Variants in LTBP1 observed in about 807,000 individuals in gnomAD.
The protein encoded by LTBP1 is latent transforming growth factor beta binding protein 1.
LTBP1 carries 129 observed loss-of-function variants against 207.6 expected under a neutral mutation model. The observed-to-expected ratio is 0.62, with a 90% CI of 0.54 to 0.72. The LOEUF (loss-of-function observed/expected upper bound fraction) is 0.72, where lower values mean the gene tolerates loss of function less well. LTBP1 is among the 30% of genes least tolerant of loss of function. LTBP1 has a pLI of 0.00. For missense variants in LTBP1, 2,281 were observed against 2,217.2 expected (o/e 1.03, Z -0.58); for synonymous variants, 963 against 833.7 (o/e 1.16, Z -2.67).
chr2:33,113,698 G>T (rs1019382015), intron 4 of LTBP1, among the ~76,000 whole-genome samples: 4 of 152,206 alleles, frequency 2.6e-5, no homozygotes, highest in Admixed American at 2.6e-4. Flanking sequence ...CATTGGTAAA[G>T]GATATCTCTT....
chr2:33,388,928 G>A (rs1558344161), intron 31 of LTBP1, among the ~76,000 whole-genome samples: 1 of 152,190 alleles, frequency 6.6e-6, no homozygotes, highest in Non-Finnish European at 1.5e-5. Flanking sequence ...CTGGGATGTG[G>A]TCTACCCACT....
intron 18 of LTBP1, among the ~76,000 whole-genome samples, 161 bp from the exon 19 acceptor site, chr2:33,279,878 C>T (rs1457137996): frequency 6.6e-6 from 1 of 152,142 alleles, no homozygotes; most frequent in African/African-American, 2.4e-5. Context: ...GCATTATTGC[C>T]ATGTATTTAA....
At chr2:32,983,324 T>G (rs1324644412) in intron 2 of LTBP1, among the ~76,000 whole-genome samples, 1 of 152,186 alleles carries the variant, frequency 6.6e-6, no homozygotes, top group Non-Finnish European at 1.5e-5. Context: ...GTACCCTCAT[T>G]GTATCTAGGA....
chr2:33,237,807 A>G (rs796857153), intron 9 of LTBP1, among the ~76,000 whole-genome samples: 47 of 152,338 alleles, frequency 3.1e-4, no homozygotes, highest in African/African-American at 9.4e-4. Flanking sequence ...TGGATTGACA[A>G]GAGGTATGCC....
chr2:33,178,776 G>T, intron 5 of LTBP1, among the ~76,000 whole-genome samples: 1 of 152,176 alleles, frequency 6.6e-6, no homozygotes, highest in East Asian at 1.9e-4. Flanking sequence ...CACCATGTTG[G>T]TTTGTTGATG....
intron 2 of LTBP1, among the ~76,000 whole-genome samples, chr2:32,985,501 T>G (rs1221736712): frequency 6.6e-6 from 1 of 152,178 alleles, no homozygotes; most frequent in African/African-American, 2.4e-5. Context: ...CTTGCCCTAG[T>G]TTAGAGCCCA....
At chr2:33,057,412 C>T (rs425707) in intron 3 of LTBP1, among the ~76,000 whole-genome samples, 60,432 of 152,116 alleles carry the variant, frequency 0.4, 13,802 homozygotes, top group East Asian at 0.64. Flanking sequence ...CTGCCAGTCC[C>T]GCGCCATGCG....
intron 3 of LTBP1, among the ~76,000 whole-genome samples, chr2:33,076,783 T>C (rs846462): frequency 0.83 from 125,672 of 151,914 alleles, 54,450 homozygotes; most frequent in East Asian, 1. Context: ...GATCCACCCG[T>C]CTCGGCCTCC....
chr2:33,341,928 A>G (rs1477321898), intron 24 of LTBP1, among the ~76,000 whole-genome samples: 6 of 152,046 alleles, frequency 3.9e-5, no homozygotes, highest in Non-Finnish European at 8.8e-5. Flanking sequence ...GCTGTCATTA[A>G]CATTTTCTTA....
chr2:33,087,084 C>CTTTTTTTTTTTTT lies in LTBP1; in HGVS notation c.864-23486_864-23474dup, dbSNP rs35334788. Among the ~76,000 whole-genome samples, 456 of 88,870 alleles carry CTTTTTTTTTTTTT rather than the reference C, an allele frequency of 5.1e-3. 37 individuals carry two copies. Among genetic ancestry groups the CTTTTTTTTTTTTT allele is most frequent in the Non-Finnish European group, 7.5e-3 (363 of 48,302 alleles). 58.3% of individuals were successfully genotyped at this position (88,870 alleles called of 152,430 possible). A position where few individuals can be genotyped will look rare whatever the true frequency, so the allele number is the denominator to read the frequency against. On this transcript the variant is annotated intron_variant, in intron 3 of 33. Coordinates refer to ENST00000404816, the MANE Select transcript of LTBP1 (RefSeq NM_206943.4). ...AGCACCAGGCTGTCCCTCCTTTATG[C>CTTTTTTTTTTTTT]TTTTTTTTTTTTTTTTTTTTTTTTG...
Position 33,240,941 on chromosome 2 carries a change from C to A in LTBP1, c.1877-2721C>A, listed in dbSNP as rs181839977. Among the ~76,000 whole-genome samples, 159 of 152,202 alleles carry A rather than the reference C, an allele frequency of 1.0e-3. 1 individual carries two copies. The highest frequency in any genetic ancestry group is 2.3e-3 in the Admixed American group (35 of 15,290). On this transcript the variant is annotated intron_variant, in intron 9 of 33. Transcript: ENST00000404816. Reference sequence around the variant, plus strand: ...CTGGGATTACAGGCGTGAGCCACCGCGCCCGGCCAGAAACGTTCTTAATCA... The same window carrying A: ...CTGGGATTACAGGCGTGAGCCACCGAGCCCGGCCAGAAACGTTCTTAATCA...
intron 4 of LTBP1, among the ~76,000 whole-genome samples, chr2:33,114,126 G>A (rs2080585176): frequency 6.6e-6 from 1 of 152,234 alleles, no homozygotes; most frequent in Non-Finnish European, 1.5e-5. Flanking sequence ...ACAGGTGTGA[G>A]CCACCATGCC....
intron 3 of LTBP1, among the ~76,000 whole-genome samples, chr2:33,050,157 T>C: frequency 8.7e-6 from 1 of 115,120 alleles, no homozygotes; most frequent in Admixed American, 8.6e-5. Context: ...TTCTTTTCTT[T>C]TTTTTTTTTT....
chr2:33,113,754 A>G (rs989990083), intron 4 of LTBP1, among the ~76,000 whole-genome samples: 5 of 152,094 alleles, frequency 3.3e-5, no homozygotes, highest in African/African-American at 7.2e-5. Flanking sequence ...TGTAGCATGT[A>G]TCAGTATCTT....
At chr2:33,109,660 T>A (rs528162018) in intron 3 of LTBP1, among the ~76,000 whole-genome samples, 1 of 152,308 alleles carries the variant, frequency 6.6e-6, no homozygotes, top group East Asian at 1.9e-4. Flanking sequence ...AATGAGAGTA[T>A]AATTATAAAA....
intron 3 of LTBP1, among the ~76,000 whole-genome samples, chr2:33,042,711 C>G (rs1027905675): frequency 6.6e-6 from 1 of 152,200 alleles, no homozygotes; most frequent in African/African-American, 2.4e-5. Flanking sequence ...GTCATCCAGA[C>G]TGATCTAAGC....
rs76536489 is a variant in LTBP1 at position 33,042,424 on chromosome 2, C to T, written c.863+21218C>T. 3.7e-3 allele frequency among the ~76,000 whole-genome samples: 569 copies of T among 152,154 alleles called. 27 individuals are homozygous for T. The East Asian group carries it at 0.097, about 26-fold the overall frequency. ...GCTTTTCCTCAGTGTGATTTTGAAA[C>T]AGGAGGACAGAGCAAAGGGAGAGAA... On this transcript the variant is annotated intron_variant, in intron 3 of 33. Transcript: ENST00000404816.
intron 31 of LTBP1, among the ~76,000 whole-genome samples, chr2:33,385,718 A>G (rs1342927595): frequency 3.9e-5 from 6 of 152,214 alleles, no homozygotes; most frequent in Admixed American, 3.9e-4. Context: ...GCCAAGAATC[A>G]GGGCAGATGT....
At chr2:33,370,447 G>A (rs528109037) in intron 31 of LTBP1, among the ~76,000 whole-genome samples, 9 of 152,256 alleles carry the variant, frequency 5.9e-5, no homozygotes, top group South Asian at 2.1e-4. Flanking sequence ...GGGGCGGGGC[G>A]CGAGACACAG....
Sources: allele counts gnomAD v4.1 joint callset (sites outside exome capture counted in the v4.1 genomes callset), GRCh38; gene constraint gnomAD v4.1.1; transcripts MANE v1.5; gene names NCBI Gene and HGNC (gene_info 2026-07-23, HGNC 2026-07-21).